MED13: variants seen among roughly 807,000 people sequenced by gnomAD.
MED13 encodes mediator complex subunit 13.
MED13 carries 23 observed loss-of-function variants against 225.2 expected under a neutral mutation model. The ratio of observed to expected loss-of-function variants is 0.10; its 90% CI spans 0.07 to 0.14. The LOEUF is 0.14. MED13 is among the 10% of genes least tolerant of loss of function. The probability of loss-of-function intolerance (pLI) is 1.00; values close to 1 mark genes in which losing one functional copy is unlikely to be tolerated. For synonymous variants in MED13, 942 were observed against 889.2 expected (o/e 1.06, Z -1.06); for missense variants, 2,197 against 2,594.5 (o/e 0.85, Z 3.33).
At chr17:62,015,092 G>A (rs537736754) in intron 8 of MED13, among the ~76,000 whole-genome samples, 1 of 152,172 alleles carries the variant, frequency 6.6e-6, no homozygotes, top group Non-Finnish European at 1.5e-5. Flanking sequence ...CAACTAAAAG[G>A]AGAGATTTAG....
At chr17:62,015,834 T>TACAC (rs531446145) in intron 8 of MED13, among the ~76,000 whole-genome samples, 3 of 113,442 alleles carry the variant, frequency 2.6e-5, no homozygotes, top group East Asian at 6.6e-4. Context: ...ACTATATATA[T>TACAC]ACACACACAC....
intron 3 of MED13, among the ~76,000 whole-genome samples, chr17:62,041,604 C>T (rs2080853319): frequency 6.6e-6 from 1 of 151,766 alleles, no homozygotes; most frequent in African/African-American, 2.4e-5. Flanking sequence ...TGAGACAGGG[C>T]CTTGCTCTGT....
chr17:62,046,951 G>A (rs910475125), intron 3 of MED13, among the ~76,000 whole-genome samples: 1 of 151,392 alleles, frequency 6.6e-6, no homozygotes, highest in Non-Finnish European at 1.5e-5. Flanking sequence ...AATCTTCTGA[G>A]CTCAAGTGAT....
intron 8 of MED13, among the ~76,000 whole-genome samples, chr17:62,023,747 A>T (rs984390465): frequency 6.7e-6 from 1 of 150,096 alleles, no homozygotes; most frequent in Non-Finnish European, 1.5e-5. Flanking sequence ...ATGCCCCCCA[A>T]CCTCCTATAT....
At chr17:61,981,208 G>A (rs973559422) in intron 16 of MED13, among the ~76,000 whole-genome samples, 3 of 151,776 alleles carry the variant, frequency 2.0e-5, no homozygotes, top group Non-Finnish European at 4.4e-5. Context: ...TTTTAGTAAA[G>A]ACGGGATTTC....
chr17:61,970,923 G>T (rs1218858065), intron 17 of MED13, among the ~76,000 whole-genome samples: 1 of 151,792 alleles, frequency 6.6e-6, no homozygotes, highest in Non-Finnish European at 1.5e-5. Flanking sequence ...TACTTGGCAG[G>T]CTGAGGTGAG....
At chr17:62,021,180 G>T (rs1413091877) in intron 8 of MED13, among the ~76,000 whole-genome samples, 1 of 150,836 alleles carries the variant, frequency 6.6e-6, no homozygotes, top group Non-Finnish European at 1.5e-5. Flanking sequence ...TGTCATCATG[G>T]CCCGTTCTCA....
chr17:62,021,583 T>G (rs1324936330), intron 8 of MED13, among the ~76,000 whole-genome samples: 1 of 152,250 alleles, frequency 6.6e-6, no homozygotes, highest in African/African-American at 2.4e-5. Flanking sequence ...CACTAAAGTC[T>G]AATATCAGTA....
At chr17:62,013,244 A>G (rs960874488) in intron 8 of MED13, among the ~76,000 whole-genome samples, 3 of 152,214 alleles carry the variant, frequency 2.0e-5, no homozygotes, top group Non-Finnish European at 4.4e-5. Flanking sequence ...ACACAAAAAG[A>G]AAACCATAGA....
chr17:61,968,482 C>T (rs1311529600), intron 17 of MED13, among the ~76,000 whole-genome samples: 2 of 152,124 alleles, frequency 1.3e-5, no homozygotes, highest in South Asian at 2.1e-4. Context: ...CCTGCCACCA[C>T]GCCTGGCTAA....
chr17:62,020,685 CTTT>C (rs78598460), intron 8 of MED13, among the ~76,000 whole-genome samples: 9 of 100,780 alleles, frequency 8.9e-5, no homozygotes, highest in Admixed American at 3.9e-4. Context: ...GGCCTGCTTT[CTTT>C]TTTTTTTTTT....
intron 17 of MED13, among the ~76,000 whole-genome samples, chr17:61,969,687 C>CA (rs2143394803): frequency 6.6e-6 from 1 of 152,148 alleles, no homozygotes; most frequent in African/African-American, 2.4e-5. Flanking sequence ...CTCCAACCTC[C>CA]ACCTCCTGGG....
At chr17:62,062,318 T>G (rs1271473292) in intron 2 of MED13, among the ~76,000 whole-genome samples, 3 of 152,186 alleles carry the variant, frequency 2.0e-5, no homozygotes, top group Non-Finnish European at 4.4e-5. Flanking sequence ...AGCTATAGTT[T>G]CTCTTTCTAA....
chr17:61,982,592 A>G lies in MED13; in HGVS notation c.3411T>C (p.Asn1137=). The G allele has an allele frequency of 6.2e-7, 1 of 1,614,176 alleles. No individual in the cohort carries two copies. ...GTTCATCTTCAAGAAATAATCCTGA[A>G]TTGTTTCCAAATTTTCTGTTCATGA... ...SAVMNRKFGN[N]SGLFLEDELD... Residue 1137 remains asparagine, a synonymous_variant, in exon 16 of 30, where the codon AAT becomes AAC. Coordinates refer to ENST00000397786, the MANE Select transcript of MED13 (RefSeq NM_005121.3).
chr17:61,948,722 G>A (rs1216774257), intron 28 of MED13, among the ~76,000 whole-genome samples: 9 of 151,426 alleles, frequency 5.9e-5, no homozygotes, highest in Admixed American at 3.3e-4. Flanking sequence ...CACTGCACCC[G>A]GCAGCAAGTA....
chr17:61,953,302 G>A (rs2079912622), intron 26 of MED13, among the ~76,000 whole-genome samples, 189 bp from the exon 27 acceptor site: 1 of 152,162 alleles, frequency 6.6e-6, no homozygotes, highest in Non-Finnish European at 1.5e-5. Flanking sequence ...ACAAGCATGT[G>A]GTAGTCTGAA....
At chr17:62,037,087 C>T (rs2080810001) in intron 3 of MED13, 1 of 151,800 alleles carries the variant, frequency 6.6e-6, no homozygotes, top group Non-Finnish European at 1.5e-5. Context: ...CCTCCATCTC[C>T]CTAAAAATAC....
intron 1 of MED13, among the ~76,000 whole-genome samples, chr17:62,063,538 C>T (rs1283712567): frequency 6.6e-6 from 1 of 152,094 alleles, no homozygotes; most frequent in Admixed American, 6.6e-5. Flanking sequence ...AATATGTACT[C>T]CAAGTAGAAA....
chr17:62,057,192 T>C (rs1446691465), intron 2 of MED13, among the ~76,000 whole-genome samples: 1 of 152,142 alleles, frequency 6.6e-6, no homozygotes, highest in East Asian at 1.9e-4. Flanking sequence ...AAAATTAACA[T>C]GGTAGAAAAT....
Sources: gnomAD v4.1 joint callset for allele counts (sites outside exome capture counted in the v4.1 genomes callset) on GRCh38, gnomAD v4.1.1 for gene constraint, MANE v1.5 for transcripts, NCBI Gene and HGNC (gene_info 2026-07-23, HGNC 2026-07-21) for gene names.